SLC5A5: variants seen among roughly 807,000 people sequenced by gnomAD.
SLC5A5 encodes the protein solute carrier family 5 member 5.
In SLC5A5, 56 loss-of-function variants were observed where a neutral mutation model predicts 68.6. The observed-to-expected ratio is 0.82, with a 90% CI of 0.66 to 1.02. The LOEUF (loss-of-function observed/expected upper bound fraction) is 1.02. SLC5A5 is among the 50% of genes least tolerant of loss of function. SLC5A5 has a pLI of 0.00. For synonymous variants in SLC5A5, 398 were observed against 373.0 expected (o/e 1.07, Z -0.77); for missense variants, 807 against 859.8 (o/e 0.94, Z 0.77).
At position 17,893,894 on chromosome 19, in the gene SLC5A5, G is replaced by A. The variant is rs371679177; in HGVS notation, c.*17G>A. The stretch of plus-strand genomic sequence containing the variant: ...AACCTCTGAGGACAGGGCCAGCCGC[G>A]GGACTGACACCCTGGGATGGAACCT... On this transcript the variant is annotated 3_prime_UTR_variant, in exon 15 of 15. Coordinates refer to ENST00000222248, the MANE Select transcript of SLC5A5 (RefSeq NM_000453.3). The A allele has an allele frequency of 9.8e-5, 152 of 1,553,348 alleles. No homozygotes were observed. The African/African-American group carries it at 1.2e-3, about 12-fold the overall frequency.
At chr19:17,884,697 C>G (rs922398947) in intron 12 of SLC5A5, among the ~76,000 whole-genome samples, 2 of 151,756 alleles carry the variant, frequency 1.3e-5, no homozygotes, top group African/African-American at 4.9e-5. Flanking sequence ...CGCTTGAACC[C>G]AGGAGGTGGA....
Position 17,872,432 on chromosome 19 carries a change from G to C in SLC5A5, c.113G>C (p.Arg38Pro). ...ATCGGGCTGTGGGTCGGGCTGGCTC[G>C]GGGCGGGCAGCGCAGCGCTGAGGAC... The part of the protein sequence containing the change: ...TGIGLWVGLA[R>P]GGQRSAEDFF... Residue 38 changes from arginine (R) to proline (P), a missense_variant, in exon 1 of 15, where the codon CGG becomes CCG. Coordinates refer to ENST00000222248, the MANE Select transcript of SLC5A5 (RefSeq NM_000453.3). 2 of 1,608,614 alleles carry C rather than the reference G, an allele frequency of 1.2e-6. No homozygotes were observed. Among genetic ancestry groups the C allele is most frequent in the Non-Finnish European group, 1.7e-6 (2 of 1,177,596 alleles).
chr19:17,885,259 C>T (rs2094330708), intron 12 of SLC5A5, among the ~76,000 whole-genome samples: 2 of 152,102 alleles, frequency 1.3e-5, no homozygotes, highest in African/African-American at 2.4e-5. Flanking sequence ...GATCTGCCCA[C>T]CTCAGCCTTG....
chr19:17,877,600 G>A (rs753402288), intron 5 of SLC5A5, 123 bp from the exon 6 acceptor site: 38 of 1,249,986 alleles, frequency 3.0e-5, no homozygotes, highest in East Asian at 2.5e-4. Flanking sequence ...GAGCCACTGC[G>A]CCTGGCCAAC....
At chr19:17,876,726 C>G (rs549692962) in intron 5 of SLC5A5, among the ~76,000 whole-genome samples, 5 of 151,976 alleles carry the variant, frequency 3.3e-5, no homozygotes, top group Non-Finnish European at 7.4e-5. Context: ...GCTGGGCATG[C>G]TGGCAGGCGC....
In SLC5A5 at chr19:17,883,631, G is replaced by C. The variant is rs559103768; in HGVS notation, c.1243-50G>C. The C allele has an allele frequency of 1.9e-5, 28 of 1,468,348 alleles. 2 individuals carry two copies. The South Asian group carries it at 3.0e-4, about 15-fold the overall frequency. 91.0% of individuals were successfully genotyped at this position (1,468,348 alleles called of 1,614,324 possible). On this transcript the variant is annotated intron_variant, in intron 10 of 14. Coordinates refer to ENST00000222248, the MANE Select transcript of SLC5A5 (RefSeq NM_000453.3). ...TTCCCAGCGGGTAAACTGAGGCCCAGAGCGGTGGGAGGGCTCCGCCCTCAG... is the reference window on the plus strand; with the variant it reads ...TTCCCAGCGGGTAAACTGAGGCCCACAGCGGTGGGAGGGCTCCGCCCTCAG...
chr19:17,894,017 C>A lies in SLC5A5; in HGVS notation c.*140C>A. On this transcript the variant is annotated 3_prime_UTR_variant, in exon 15 of 15. Coordinates refer to ENST00000222248, the MANE Select transcript of SLC5A5 (RefSeq NM_000453.3). ...TGAGTTCAGGACTACAATACCCTACCCTATGGGGAGGCCCTGCCTCCGGGA... is the reference window on the plus strand; with the variant it reads ...TGAGTTCAGGACTACAATACCCTACACTATGGGGAGGCCCTGCCTCCGGGA... The A allele has an allele frequency of 1.2e-6, 1 of 840,536 alleles. No individual in the cohort carries two copies. The highest frequency in any genetic ancestry group is 1.9e-6 in the Non-Finnish European group (1 of 523,124). 52.1% of individuals were successfully genotyped at this position (840,536 alleles called of 1,614,324 possible).
At position 17,894,146 on chromosome 19, in the gene SLC5A5, T is replaced by A; in HGVS notation, c.*269T>A. 1 of 204,322 alleles carries A rather than the reference T, an allele frequency of 4.9e-6. No individual in the cohort carries two copies. The highest frequency in any genetic ancestry group is 9.6e-6 in the Non-Finnish European group (1 of 104,534). The allele number at this position is 204,322 out of a possible 1,614,324, so 12.7% of individuals were successfully genotyped here. A position where few individuals can be genotyped will look rare whatever the true frequency, so the allele number is the denominator to read the frequency against. Reference sequence around the variant, plus strand: ...AAGGCTGGGTTTTTCTCTCTCTCTTTTTTTTTTTTTTTTTTTTTTGAGACA... The same window carrying A: ...AAGGCTGGGTTTTTCTCTCTCTCTTATTTTTTTTTTTTTTTTTTTGAGACA... On this transcript the variant is annotated 3_prime_UTR_variant, in exon 15 of 15. Coordinates refer to ENST00000222248, the MANE Select transcript of SLC5A5 (RefSeq NM_000453.3).
At position 17,882,202 on chromosome 19, in the gene SLC5A5, G is replaced by A. The variant is rs779236022; in HGVS notation, c.1225G>A (p.Gly409Arg). ...CGTGGCAGCCCTGTCCTCACTGCTC[G>A]GAGGAGGTGTCCTTCAGGTGAGACC... ...LTVAALSSLL[G>R]GGVLQGSFTV... Residue 409 changes from glycine to arginine, a missense_variant, in exon 10 of 15, where the codon GGA (glycine) becomes AGA (arginine). Transcript: ENST00000222248. 2.2e-5 allele frequency: 35 copies of A among 1,613,624 alleles called. No individual in the cohort carries two copies. Among genetic ancestry groups the A allele is most frequent in the Admixed American group, 3.3e-5 (2 of 59,980 alleles).
At chr19:17,889,474 AAG>A (rs956719486) in intron 13 of SLC5A5, among the ~76,000 whole-genome samples, 8 of 147,818 alleles carry the variant, frequency 5.4e-5, no homozygotes, top group African/African-American at 1.8e-4. Context: ...GAAGGAGAGA[AAG>A]AGAGAGAGAA....
intron 2 of SLC5A5, 68 bp from the exon 3 acceptor site, chr19:17,874,426 C>T: frequency 6.8e-7 from 1 of 1,464,918 alleles, no homozygotes; most frequent in Non-Finnish European, 9.6e-7. Flanking sequence ...CACCCTTCTG[C>T]CTCCTCTCCC....
intron 12 of SLC5A5, 125 bp downstream of exon 12, chr19:17,884,171 CG>C: frequency 1.1e-6 from 1 of 903,694 alleles, no homozygotes. Flanking sequence ...GGGGAGGGAA[CG>C]GTAGGTGCAA....
At position 17,881,997 on chromosome 19, in the gene SLC5A5, A is replaced by C; in HGVS notation, c.1096A>C (p.Thr366Pro). The C allele has an allele frequency of 6.2e-7, 1 of 1,614,160 alleles. No individual in the cohort carries two copies. Among genetic ancestry groups the C allele is most frequent in the Non-Finnish European group, 8.5e-7 (1 of 1,180,004 alleles). Residue 366 changes from threonine to proline, a missense_variant, in exon 9 of 15, where the codon ACT becomes CCT. Thr to Pro is a conservative substitution (Grantham distance 38). Coordinates refer to ENST00000222248, the MANE Select transcript of SLC5A5 (RefSeq NM_000453.3). Reference protein sequence around the residue: ...STSINAMAAVTVEDLIKPRLR... With the variant: ...STSINAMAAVPVEDLIKPRLR... ...CAGCATCAATGCTATGGCTGCAGTC[A>C]CTGTAGAAGACCTCATCAAACCTCG...
At chr19:17,890,661 G>T (rs917003219) in intron 13 of SLC5A5, among the ~76,000 whole-genome samples, 2 of 152,096 alleles carry the variant, frequency 1.3e-5, no homozygotes, top group Non-Finnish European at 2.9e-5. Context: ...CTCCCAAAGT[G>T]CAATTATGAG....
Position 17,874,670 on chromosome 19 carries a change from G to T in SLC5A5, c.482G>T (p.Gly161Val). The T allele has an allele frequency of 1.2e-6, 2 of 1,614,138 alleles. No homozygotes were observed. Among genetic ancestry groups the T allele is most frequent in the Non-Finnish European group, 1.7e-6 (2 of 1,180,030 alleles). The change falls in exon 4 of 15, where the codon GGG becomes GTG. Residue 161 changes from glycine (G) to valine (V), a missense_variant. Physicochemically the swap from Gly to Val is moderately radical, Grantham distance 109. Coordinates refer to ENST00000222248, the MANE Select transcript of SLC5A5 (RefSeq NM_000453.3). ...GGGACCTCTTTTTGCATAGTGACCG[G>T]GCTGGACATCTGGGCGTCGCTCCTG... ...APALILNQVT[G>V]LDIWASLLST...
intron 14 of SLC5A5, among the ~76,000 whole-genome samples, chr19:17,892,661 A>AGAGAC (rs2030222724): frequency 7.4e-6 from 1 of 134,272 alleles, no homozygotes; most frequent in Non-Finnish European, 1.5e-5. Flanking sequence ...ACAGAGAGAG[A>AGAGAC]GAGAGAGAGA....
intron 7 of SLC5A5, among the ~76,000 whole-genome samples, chr19:17,878,974 C>CAAAAAA (rs1368928380): frequency 2.1e-5 from 1 of 47,936 alleles, no homozygotes; most frequent in African/African-American, 9.6e-5. Flanking sequence ...GACTCCATCT[C>CAAAAAA]AAAAAAAAAA....
At position 17,876,021 on chromosome 19, in the gene SLC5A5, G is replaced by T. The variant is rs988708563; in HGVS notation, c.613G>T (p.Val205Phe). The T allele has an allele frequency of 2.5e-6, 4 of 1,614,214 alleles. No homozygotes were observed. The highest frequency in any genetic ancestry group is 3.4e-6 in the Non-Finnish European group (4 of 1,180,046). ...VVVMLSGFWV[V>F]LARGVMLVGG... ...GGTGATGCTAAGTGGCTTCTGGGTT[G>T]TCCTGGCACGCGGTGTCATGCTTGT... Residue 205 changes from valine to phenylalanine, a missense_variant, in exon 5 of 15, where the codon GTC becomes TTC. By Grantham distance (50) the Val-to-Phe change is conservative. Coordinates refer to ENST00000222248, the MANE Select transcript of SLC5A5 (RefSeq NM_000453.3).
rs779706473 is a variant in SLC5A5, at chr19:17,883,851, G to T, written c.1331G>T (p.Gly444Val). ...CCCTGACGCCGGCTCTGCCCCCAGG[G>T]CGTCCTCGCGGGACTAGGCGCGGGC... ...GMFLPACNTP[G>V]VLAGLGAGLA... is the part of the protein sequence containing the mutation. The change falls in exon 12 of 15, where the codon GGC (glycine) becomes GTC (valine). Residue 444 changes from glycine to valine, a missense_variant and splice_region_variant. Transcript: ENST00000222248. The T allele has an allele frequency of 1.3e-6, 2 of 1,597,362 alleles. No individual in the cohort carries two copies. Among genetic ancestry groups the T allele is most frequent in the South Asian group, 1.1e-5 (1 of 89,764 alleles).
Sources: allele counts gnomAD v4.1 joint callset (sites outside exome capture counted in the v4.1 genomes callset), GRCh38; gene constraint gnomAD v4.1.1; transcripts MANE v1.5; gene names NCBI Gene and HGNC (gene_info 2026-07-23, HGNC 2026-07-21).